Variants in CUX1 observed in about 807,000 individuals in gnomAD.
The protein encoded by CUX1 is cut like homeobox 1, also known as protein CASP.
A neutral mutation model predicts 158.8 loss-of-function variants in CUX1; 31 were observed. That is an observed-to-expected ratio of 0.20 (90% CI 0.15 to 0.26). The LOEUF (loss-of-function observed/expected upper bound fraction) is 0.26, where lower values mean the gene tolerates loss of function less well. CUX1 is among the 10% of genes least tolerant of loss of function. The pLI, the probability that CUX1 is intolerant of heterozygous loss-of-function variation, is 1.00. For missense variants in CUX1, 1,589 were observed against 2,014.6 expected, an observed-to-expected ratio of 0.79 and a Z score of 4.04; for synonymous variants, 879 against 862.1, an observed-to-expected ratio of 1.02 and a Z score of -0.34.
At chr7:102,264,258 G>A (rs1362553089) in intron 14 of CUX1, among the ~76,000 whole-genome samples, 3 of 151,862 alleles carry the variant, frequency 2.0e-5, no homozygotes, top group Non-Finnish European at 4.4e-5. Flanking sequence ...CACCCGCCTC[G>A]GCCTCCCAAA....
chr7:101,945,684 G>T (rs1262565997), intron 2 of CUX1, among the ~76,000 whole-genome samples: 3 of 152,174 alleles, frequency 2.0e-5, no homozygotes, highest in Non-Finnish European at 4.4e-5. Flanking sequence ...GAGGAGTAGG[G>T]ACAAGATCTA....
At chr7:102,106,721 C>T (rs1333258387) in intron 6 of CUX1, among the ~76,000 whole-genome samples, 3 of 152,166 alleles carry the variant, frequency 2.0e-5, no homozygotes, top group Admixed American at 1.3e-4. Context: ...CAGCACACGG[C>T]CTATGGGGCA....
At chr7:102,207,596 T>A (rs1223482955) in intron 20 of CUX1, among the ~76,000 whole-genome samples, 1 of 151,898 alleles carries the variant, frequency 6.6e-6, no homozygotes, top group Non-Finnish European at 1.5e-5. Context: ...GGAATACAGG[T>A]ACCCATCACC....
downstream of CUX1, among the ~76,000 whole-genome samples, chr7:102,263,106 C>T (rs536071632): frequency 2.0e-5 from 3 of 150,346 alleles, no homozygotes; most frequent in Non-Finnish European, 3.0e-5. Flanking sequence ...CTCCACCTCC[C>T]AGGTTCAGGC....
chr7:101,909,982 C>T (rs11971810), intron 1 of CUX1, among the ~76,000 whole-genome samples: 64,690 of 151,912 alleles, frequency 0.43, 14,349 homozygotes, highest in African/African-American at 0.52. Flanking sequence ...TGCGGTGGCA[C>T]CATCTCAGCT....
intron 2 of CUX1, among the ~76,000 whole-genome samples, chr7:101,978,416 C>T (rs1389552341): frequency 6.6e-6 from 1 of 152,234 alleles, no homozygotes; most frequent in Non-Finnish European, 1.5e-5. Flanking sequence ...CATGCCTGGT[C>T]CACCAGCAAG....
intron 21 of CUX1, among the ~76,000 whole-genome samples, chr7:102,232,498 TG>T (rs2132415189): frequency 2.0e-5 from 3 of 152,230 alleles, no homozygotes; most frequent in African/African-American, 7.2e-5. Flanking sequence ...CTGCCCCGGA[TG>T]GGGAGAGGTG....
At chr7:102,026,121 G>A (rs1412006858) in intron 2 of CUX1, among the ~76,000 whole-genome samples, 1 of 151,962 alleles carries the variant, frequency 6.6e-6, no homozygotes. Context: ...TGAGGCTGCA[G>A]TGAGCTATGA....
chr7:102,079,437 C>CAAA (rs535825246), intron 4 of CUX1, among the ~76,000 whole-genome samples: 3,254 of 140,132 alleles, frequency 0.023, 113 homozygotes, highest in African/African-American at 0.08. Flanking sequence ...GACTCTGTCT[C>CAAA]AAAAAAAAAA....
chr7:102,202,552 C>G (rs1385683208), intron 18 of CUX1, among the ~76,000 whole-genome samples: 2 of 152,074 alleles, frequency 1.3e-5, no homozygotes, highest in African/African-American at 2.4e-5. Context: ...GACCGGCAGC[C>G]GAGTCCACAT....
At chr7:102,273,522 TCTCGATACCTGCCCAA>T (rs1302995285) in intron 15 of CUX1, 2 of 1,587,920 alleles carry the variant, frequency 1.3e-6, no homozygotes, top group Non-Finnish European at 8.6e-7. Flanking sequence ...CCCATGCCCA[TCTCGATACCTGCCCAA>T]CTGACTTAGC....
At chr7:102,128,333 C>G (rs923135838) in intron 8 of CUX1, among the ~76,000 whole-genome samples, 2 of 152,202 alleles carry the variant, frequency 1.3e-5, no homozygotes, top group East Asian at 3.9e-4. Flanking sequence ...GACCCTGACT[C>G]TGGTCCCATC....
chr7:102,177,424 A>G (rs1272534717), intron 10 of CUX1, among the ~76,000 whole-genome samples: 1 of 150,532 alleles, frequency 6.6e-6, no homozygotes, highest in Non-Finnish European at 1.5e-5. Flanking sequence ...AAAAAAAAAA[A>G]AAAAAGAAAA....
intron 2 of CUX1, among the ~76,000 whole-genome samples, chr7:102,003,796 T>A (rs946090149): frequency 2.6e-5 from 4 of 152,156 alleles, no homozygotes; most frequent in Non-Finnish European, 4.4e-5. Flanking sequence ...TAGAATAACA[T>A]AGGATATTAA....
rs185988286 is a variant in CUX1, at chr7:102,248,913, C to T, written c.4389C>T (p.Pro1463=). 1.9e-5 allele frequency: 27 copies of T among 1,451,274 alleles called. 1 individual carries two copies. The highest frequency in any genetic ancestry group is 4.4e-5 in the African/African-American group (3 of 67,492). 89.9% of individuals were successfully genotyped at this position (1,451,274 alleles called of 1,614,324 possible). A position where few individuals can be genotyped will look rare whatever the true frequency, so the allele number is the denominator to read the frequency against. Residue 1463 remains proline (P), a synonymous_variant, in exon 24 of 24, where the codon CCC becomes CCT. Coordinates refer to ENST00000292535, the MANE Select transcript of CUX1 (RefSeq NM_181552.4). The surrounding 1 kb of genome is among the most constrained non-coding windows in gnomAD (Gnocchi z 5.8). ...PSSLQSLFGL[P]EAAGARDSRD... Reference sequence around the variant, plus strand: ...CGCTGCAGAGCCTTTTCGGCCTCCCCGAGGCCGCGGGCGCCCGGGACTCGC... The same window carrying T: ...CGCTGCAGAGCCTTTTCGGCCTCCCTGAGGCCGCGGGCGCCCGGGACTCGC...
rs1281216060 is a variant in CUX1 at position 102,158,000 on chromosome 7, ATCCTCACCTGCCC to A, written c.675-550_675-538del. Among the ~76,000 whole-genome samples, 3 of 152,128 alleles carry A rather than the reference ATCCTCACCTGCCC, an allele frequency of 2.0e-5. No homozygotes were observed. In the East Asian group the frequency reaches 5.8e-4, roughly 29 times the overall value. The stretch of plus-strand genomic sequence containing the variant: ...GTACAGTCCCCCAACCTGTGTCACC[ATCCTCACCTGCCC>A]TCCTCACCTCCAGTTGGCCACCTTC... On this transcript the variant is annotated intron_variant, in intron 8 of 23. Transcript: ENST00000292535.
chr7:101,964,003 C>T (rs772601673), intron 2 of CUX1, among the ~76,000 whole-genome samples: 2 of 151,860 alleles, frequency 1.3e-5, no homozygotes, highest in Non-Finnish European at 2.9e-5. Context: ...TTCAACTTCT[C>T]GGCAACCCTG....
chr7:102,080,274 C>T (rs534824349), intron 4 of CUX1, among the ~76,000 whole-genome samples: 5 of 152,268 alleles, frequency 3.3e-5, no homozygotes, highest in African/African-American at 1.2e-4. Context: ...GTTTGTGCCC[C>T]GCTTTGCCAT....
At chr7:102,186,591 A>T (rs1163015804) in intron 11 of CUX1, among the ~76,000 whole-genome samples, 6 of 86,292 alleles carry the variant, frequency 7.0e-5, no homozygotes, top group African/African-American at 2.2e-4. Context: ...ATATATATAT[A>T]TATATTTTTT....
Sources: allele counts gnomAD v4.1 joint callset (sites outside exome capture counted in the v4.1 genomes callset), GRCh38; gene constraint gnomAD v4.1.1; non-coding constraint Gnocchi (gnomAD v3.1); transcripts MANE v1.5; gene names NCBI Gene and HGNC (gene_info 2026-07-23, HGNC 2026-07-21).